UNC5D: variants seen among roughly 807,000 people sequenced by gnomAD.
UNC5D encodes the protein netrin receptor UNC5D.
In UNC5D, 39 loss-of-function variants were observed where a neutral mutation model predicts 105.4. The observed-to-expected ratio is 0.37, with a 90% CI of 0.29 to 0.48. The LOEUF (loss-of-function observed/expected upper bound fraction) is 0.48, where lower values mean the gene tolerates loss of function less well. UNC5D is among the 20% of genes least tolerant of loss of function. UNC5D has a pLI of 0.98. For missense variants in UNC5D, 991 were observed against 1,202.4 expected (o/e 0.82, Z 2.60); for synonymous variants, 452 against 450.4 (o/e 1.00, Z -0.04).
chr8:35,682,037 T>C (rs1300038546), intron 4 of UNC5D, among the ~76,000 whole-genome samples: 6 of 152,270 alleles, frequency 3.9e-5, no homozygotes, highest in African/African-American at 1.4e-4. Context: ...CGATCTCAGC[T>C]CACTGTAACC....
At chr8:35,713,299 T>G (rs941652933) in intron 8 of UNC5D, among the ~76,000 whole-genome samples, 2 of 152,124 alleles carry the variant, frequency 1.3e-5, no homozygotes, top group African/African-American at 4.8e-5. Context: ...TCTCTCTACC[T>G]CTCAGTAACT....
chr8:35,784,503 C>T lies in UNC5D; in HGVS notation c.2658-5856C>T, dbSNP rs934073671. On this transcript the variant is annotated intron_variant, in intron 16 of 16. Transcript: ENST00000404895. ...ACAGCTGAGACTTGTAAACTCAGCA[C>T]TTTGTGAGGCAAAGGCGGCTGATTA... Among the ~76,000 whole-genome samples the T allele has an allele frequency of 6.6e-5, 10 of 152,240 alleles. No individual in the cohort carries two copies. The East Asian group carries it at 1.9e-3, about 29-fold the overall frequency.
At chr8:35,251,105 C>G (rs928946203) in intron 1 of UNC5D, among the ~76,000 whole-genome samples, 1 of 152,136 alleles carries the variant, frequency 6.6e-6, no homozygotes, top group Non-Finnish European at 1.5e-5. Flanking sequence ...CTCTTCCTCC[C>G]TATTAGGCCT....
chr8:35,702,746 C>G (rs142233689), intron 7 of UNC5D, among the ~76,000 whole-genome samples: 406 of 152,206 alleles, frequency 2.7e-3, no homozygotes, highest in African/African-American at 8.0e-3. Flanking sequence ...TTAGCAGATT[C>G]CTGTCAAGGT....
At chr8:35,270,083 G>A (rs1383954074) in intron 1 of UNC5D, among the ~76,000 whole-genome samples, 1 of 152,130 alleles carries the variant, frequency 6.6e-6, no homozygotes, top group Non-Finnish European at 1.5e-5. Flanking sequence ...TGAGAGGGAA[G>A]GACAAGAAAT....
In UNC5D at chr8:35,750,723, G is replaced by A; in HGVS notation, c.2077G>A (p.Val693Met). The change falls in exon 13 of 17, where the codon GTG (valine) becomes ATG (methionine). Residue 693 changes from valine (V) to methionine (M), a missense_variant. Transcript: ENST00000404895. ...AGACTGTGCCGTGAAGCAACTGAAG[G>A]TGGCGGTTTTTGGCTGCATGTCCTG... ...ITDCAVKQLK[V>M]AVFGCMSCNS... 6.2e-7 allele frequency: 1 copy of A among 1,614,168 alleles called. No individual in the cohort carries two copies. Among genetic ancestry groups the A allele is most frequent in the Non-Finnish European group, 8.5e-7 (1 of 1,180,018 alleles).
Position 35,293,888 on chromosome 8 carries a change from C to T in UNC5D, c.103+58001C>T, listed in dbSNP as rs560494251. On this transcript the variant is annotated intron_variant, in intron 1 of 16. Transcript: ENST00000404895. ...ATCCTAATGATTCCTGATCTAGAGA[C>T]TGAATTAGAGACATTGTATTTGGGA... 2.7e-3 allele frequency among the ~76,000 whole-genome samples: 415 copies of T among 152,254 alleles called. 3 individuals are homozygous for T. The highest frequency in any genetic ancestry group is 4.4e-3 in the Admixed American group (68 of 15,290).
chr8:35,705,090 G>A (rs551002359), intron 7 of UNC5D, among the ~76,000 whole-genome samples: 13 of 147,248 alleles, frequency 8.8e-5, no homozygotes, highest in Admixed American at 2.1e-4. Context: ...TCAGCCTCCC[G>A]CGTAGCTGGG....
intron 4 of UNC5D, 109 bp from the exon 5 acceptor site, chr8:35,683,438 C>G (rs762172938): frequency 1.8e-6 from 2 of 1,119,416 alleles, no homozygotes; most frequent in Non-Finnish European, 2.5e-6. Flanking sequence ...TGCTGTTGCT[C>G]TATATTTTAG....
At chr8:35,746,333 G>A (rs891223229) in intron 11 of UNC5D, among the ~76,000 whole-genome samples, 9 of 152,108 alleles carry the variant, frequency 5.9e-5, no homozygotes, top group East Asian at 3.9e-4. Context: ...CAGGTAGAAG[G>A]TAGCAGAAAA....
rs57681405 is a variant in UNC5D at position 35,587,965 on chromosome 8, AATATATATATATATAT to A, written c.467-7575_467-7560del. ...TTAGGGTTTTTCCTATAACTATAAT[AATATATATATATATAT>A]ATATATATATATACTAATCCCACAC... On this transcript the variant is annotated intron_variant, in intron 3 of 16. Transcript: ENST00000404895. Among the ~76,000 whole-genome samples the A allele has an allele frequency of 5.6e-4, 59 of 105,096 alleles. 1 individual carries two copies. The highest frequency in any genetic ancestry group is 1.7e-3 in the African/African-American group (52 of 30,220). The allele number at this position is 105,096 out of a possible 152,430, so 68.9% of individuals were successfully genotyped here.
chr8:35,448,816 G>A (rs373344972), intron 1 of UNC5D, among the ~76,000 whole-genome samples: 52 of 152,042 alleles, frequency 3.4e-4, no homozygotes, highest in African/African-American at 8.4e-4. Context: ...CTCTATGTCC[G>A]TGTGTACACA....
chr8:35,605,106 G>C (rs986028798), intron 4 of UNC5D, among the ~76,000 whole-genome samples: 7 of 152,206 alleles, frequency 4.6e-5, no homozygotes, highest in Non-Finnish European at 8.8e-5. Flanking sequence ...TTCCTTTGGA[G>C]GAGGAGAGAA....
chr8:35,580,448 A>G (rs1476809609), intron 3 of UNC5D, among the ~76,000 whole-genome samples: 1 of 151,588 alleles, frequency 6.6e-6, no homozygotes, highest in Non-Finnish European at 1.5e-5. Context: ...AGGAAAAAAA[A>G]CAAAAACAAA....
chr8:35,554,246 G>A (rs544702984), intron 2 of UNC5D, among the ~76,000 whole-genome samples: 1 of 152,304 alleles, frequency 6.6e-6, no homozygotes, highest in East Asian at 1.9e-4. Flanking sequence ...AAAAGAGATT[G>A]TGTGTTTTCA....
chr8:35,703,387 A>G (rs539212196), intron 7 of UNC5D, among the ~76,000 whole-genome samples: 1 of 152,328 alleles, frequency 6.6e-6, no homozygotes, highest in African/African-American at 2.4e-5. Context: ...TACTGAGGAC[A>G]CACGGAATGT....
chr8:35,248,813 A>T (rs1385187952), intron 1 of UNC5D, among the ~76,000 whole-genome samples: 2 of 96,318 alleles, frequency 2.1e-5, no homozygotes, highest in South Asian at 3.3e-4. Context: ...ATAATATATA[A>T]TATATATAAT....
At chr8:35,443,993 T>G (rs1807608370) in intron 1 of UNC5D, among the ~76,000 whole-genome samples, 1 of 152,040 alleles carries the variant, frequency 6.6e-6, no homozygotes, top group Admixed American at 6.6e-5. Flanking sequence ...ACTCATTCTT[T>G]AAACACATAC....
At chr8:35,344,115 G>T (rs1811642038) in intron 1 of UNC5D, among the ~76,000 whole-genome samples, 2 of 152,000 alleles carry the variant, frequency 1.3e-5, no homozygotes, top group South Asian at 4.1e-4. Context: ...GACAATTCTG[G>T]GTTGGTTTCT....
Sources: gnomAD v4.1 joint callset for allele counts (sites outside exome capture counted in the v4.1 genomes callset) on GRCh38, gnomAD v4.1.1 for gene constraint, MANE v1.5 for transcripts, NCBI Gene and HGNC (gene_info 2026-07-23, HGNC 2026-07-21) for gene names.